SMCO2: variants seen among roughly 807,000 people sequenced by gnomAD.
SMCO2 encodes single-pass membrane and coiled-coil domain-containing protein 2.
In SMCO2, 25 loss-of-function variants were observed where a neutral mutation model predicts 29.5. The ratio of observed to expected loss-of-function variants is 0.85; its 90% CI spans 0.62 to 1.18. SMCO2 has a LOEUF of 1.18. Ranked by LOEUF, SMCO2 falls within the 50% of genes most tolerant of loss-of-function variation. The probability of loss-of-function intolerance (pLI) is 0.00; values close to 1 mark genes in which losing one functional copy is unlikely to be tolerated. For missense variants in SMCO2, 348 were observed against 344.5 expected (o/e 1.01, Z -0.08); for synonymous variants, 117 against 123.3 (o/e 0.95, Z 0.34).
rs569586841 is a variant in SMCO2 at position 27,472,688 on chromosome 12, T to C, written c.135-88T>C. ...TCCCTGGGACTGGGGAAGATCTCAG[T>C]GTTCTCCCTTTAGAAAGGAGTAGTG... On this transcript the variant is annotated intron_variant, in intron 2 of 7. Transcript: ENST00000298876. The C allele has an allele frequency of 9.6e-5, 89 of 922,682 alleles. No individual in the cohort carries two copies. The African/African-American group carries it at 1.4e-3, about 15-fold the overall frequency. 57.2% of individuals were successfully genotyped at this position (922,682 alleles called of 1,614,324 possible).
chr12:27,494,158 G>T, intron 5 of SMCO2, 142 bp from the exon 7 acceptor site: 1 of 488,182 alleles, frequency 2.0e-6, no homozygotes, highest in Non-Finnish European at 3.6e-6. Context: ...CTATGAATTT[G>T]CTCTAAGAGG....
chr12:27,490,715 A>G (rs189514261), intron 5 of SMCO2, among the ~76,000 whole-genome samples: 3 of 152,310 alleles, frequency 2.0e-5, no homozygotes, highest in Admixed American at 6.5e-5. Context: ...GGATCACTTG[A>G]GGTCCGGAGT....
the SMCO2 span, among the ~76,000 whole-genome samples, chr12:27,429,700 T>C: frequency 1.3e-5 from 2 of 152,198 alleles, no homozygotes; most frequent in African/African-American, 4.8e-5. Context: ...GTTTTGCTAT[T>C]GTGGGTAATA....
At chr12:27,426,389 G>C in the SMCO2 span, among the ~76,000 whole-genome samples, 1 of 152,182 alleles carries the variant, frequency 6.6e-6, no homozygotes, top group Non-Finnish European at 1.5e-5. Context: ...GTGTTCAGGT[G>C]ATGTCTAGCA....
intron 4 of SMCO2, among the ~76,000 whole-genome samples, chr12:27,484,698 CA>C (rs1949672292): frequency 6.6e-6 from 1 of 151,362 alleles, no homozygotes; most frequent in African/African-American, 2.4e-5. Flanking sequence ...ACTAAAAATA[CA>C]AAAATTAGCT....
chr12:27,450,831 G>C, the SMCO2 span, among the ~76,000 whole-genome samples: 2 of 152,274 alleles, frequency 1.3e-5, no homozygotes, highest in Middle Eastern at 3.4e-3. Flanking sequence ...GTGTTTTCTT[G>C]GTCTTTTTGT....
chr12:27,474,811 A>C, exon 4 of SMCO2: 1 of 1,551,792 alleles, frequency 6.4e-7, no homozygotes, highest in Non-Finnish European at 8.7e-7. Context: ...GAGGCTGAGC[A>C]TGACCAGGAC....
intron 3 of SMCO2, among the ~76,000 whole-genome samples, chr12:27,474,170 A>G (rs969897390): frequency 6.6e-6 from 1 of 152,216 alleles, no homozygotes; most frequent in Admixed American, 6.5e-5. Context: ...GAACCACTTA[A>G]AAGTAGGTCA....
the SMCO2 span, chr12:27,424,081 A>C: frequency 1.3e-5 from 2 of 152,246 alleles, no homozygotes; most frequent in Non-Finnish European, 2.9e-5. Flanking sequence ...AAAACATTAA[A>C]ATTAGTTCTA....
the SMCO2 span, among the ~76,000 whole-genome samples, chr12:27,445,192 G>A: frequency 6.6e-5 from 10 of 152,248 alleles, no homozygotes; most frequent in South Asian, 1.9e-3. Context: ...GGCAGCGAAG[G>A]GGAGGGGAAT....
At chr12:27,474,978 C>A in intron 4 of SMCO2, 65 bp downstream of exon 4, 1 of 1,510,196 alleles carries the variant, frequency 6.6e-7, no homozygotes, top group Non-Finnish European at 8.9e-7. Context: ...AGAATTTAAG[C>A]AGATAACTTA....
the SMCO2 span, among the ~76,000 whole-genome samples, chr12:27,447,256 TC>T: frequency 6.6e-6 from 1 of 152,124 alleles, no homozygotes; most frequent in East Asian, 1.9e-4. Flanking sequence ...TGCCCCACAG[TC>T]CAGGATTACT....
the SMCO2 span, among the ~76,000 whole-genome samples, chr12:27,435,159 T>A: frequency 6.6e-6 from 1 of 151,812 alleles, no homozygotes; most frequent in Admixed American, 6.6e-5. Context: ...ACCTTGGCAC[T>A]ACTGACATTT....
upstream of SMCO2, among the ~76,000 whole-genome samples, chr12:27,463,815 G>T (rs306631): frequency 3.9e-5 from 6 of 152,104 alleles, no homozygotes; most frequent in Non-Finnish European, 7.3e-5. Flanking sequence ...GCAATGTGTC[G>T]TGAGAAATCC....
the SMCO2 span, among the ~76,000 whole-genome samples, chr12:27,444,993 G>A: frequency 6.6e-6 from 1 of 152,190 alleles, no homozygotes; most frequent in Non-Finnish European, 1.5e-5. Context: ...ATACACAGTG[G>A]AGTATTATTA....
the SMCO2 span, among the ~76,000 whole-genome samples, chr12:27,454,910 C>CTT: frequency 6.6e-6 from 1 of 152,058 alleles, no homozygotes. Context: ...TGAGCTCATC[C>CTT]TTTTTTATGG....
chr12:27,449,632 AT>A, the SMCO2 span, among the ~76,000 whole-genome samples: 1 of 152,232 alleles, frequency 6.6e-6, no homozygotes, highest in Non-Finnish European at 1.5e-5. Flanking sequence ...ATTTATACAG[AT>A]TTAGTTCTCA....
chr12:27,430,838 A>G, the SMCO2 span, among the ~76,000 whole-genome samples: 3 of 152,028 alleles, frequency 2.0e-5, no homozygotes, highest in Non-Finnish European at 4.4e-5. Flanking sequence ...TAACAAGGTT[A>G]CCCCACCGCT....
chr12:27,470,994 AG>A (rs1949536582), intron 2 of SMCO2, among the ~76,000 whole-genome samples: 1 of 152,198 alleles, frequency 6.6e-6, no homozygotes, highest in South Asian at 2.1e-4. Flanking sequence ...CATTAAAAAA[AG>A]TAATCTCAAT....
Sources: gnomAD v4.1 joint callset for allele counts (sites outside exome capture counted in the v4.1 genomes callset) on GRCh38, gnomAD v4.1.1 for gene constraint, MANE v1.5 for transcripts, NCBI Gene and HGNC (gene_info 2026-07-23, HGNC 2026-07-21) for gene names.